Variants in ATP2A1 observed in about 807,000 individuals in gnomAD.
ATP2A1 encodes the protein sarcoplasmic/endoplasmic reticulum calcium ATPase 1.
A neutral mutation model predicts 109.5 loss-of-function variants in ATP2A1; 83 were observed. The ratio of observed to expected loss-of-function variants is 0.76; its 90% CI spans 0.63 to 0.91. The LOEUF is 0.91. Ranked by LOEUF, ATP2A1 falls within the 40% of genes least tolerant of loss-of-function variation. The pLI, the probability that ATP2A1 is intolerant of heterozygous loss-of-function variation, is 0.00. For missense variants in ATP2A1, 1,101 were observed against 1,341.0 expected, an observed-to-expected ratio of 0.82 and a Z score of 2.80; for synonymous variants, 505 against 537.6, an observed-to-expected ratio of 0.94 and a Z score of 0.84.
At position 28,888,886 on chromosome 16, in the gene ATP2A1, G is replaced by C. The variant is rs1428905110; in HGVS notation, c.1028G>C (p.Gly343Ala). Residue 343 changes from glycine (G) to alanine (A), a missense_variant, in exon 9 of 23, where the codon GGC becomes GCC. Gly to Ala is a moderately conservative substitution (Grantham distance 60). Transcript: ENST00000395503. ...AGCTTGCCCTCCGTAGAGACCCTGG[G>C]CTGCACCTCTGTCATCTGTTCCGAC... ...VRSLPSVETL[G>A]CTSVICSDKT... is the part of the protein sequence containing the mutation. 5.0e-6 allele frequency: 8 copies of C among 1,614,018 alleles called. No homozygotes were observed. The highest frequency in any genetic ancestry group is 6.8e-6 in the Non-Finnish European group (8 of 1,180,026).
In ATP2A1 at chr16:28,894,396, A is replaced by G. The variant is rs908372725; in HGVS notation, c.1185-109A>G. ...CCTGATATCCGAGTTGGCTCTCCCCACTGTCCTTCCTTACCCTCTGCTGCC... is the reference window on the plus strand; with the variant it reads ...CCTGATATCCGAGTTGGCTCTCCCCGCTGTCCTTCCTTACCCTCTGCTGCC... On this transcript the variant is annotated intron_variant, in intron 10 of 22. Coordinates refer to ENST00000395503, the MANE Select transcript of ATP2A1 (RefSeq NM_004320.6). 3 of 1,310,612 alleles carry G rather than the reference A, an allele frequency of 2.3e-6. No individual in the cohort carries two copies. The Admixed American group carries it at 5.9e-5, about 26-fold the overall frequency. The allele number at this position is 1,310,612 out of a possible 1,614,324, so 81.2% of individuals were successfully genotyped here. A position where few individuals can be genotyped will look rare whatever the true frequency, so the allele number is the denominator to read the frequency against.
chr16:28,887,472 T>A lies in ATP2A1; in HGVS notation c.678T>A (p.Thr226=), dbSNP rs6565259. 2 of 1,613,654 alleles carry A rather than the reference T, an allele frequency of 1.2e-6. No individual in the cohort carries two copies. Among genetic ancestry groups the A allele is most frequent in the South Asian group, 1.1e-5 (1 of 91,054 alleles). Residue 226 remains threonine, a synonymous_variant, in exon 8 of 23, where the codon ACT becomes ACA. Coordinates refer to ENST00000395503, the MANE Select transcript of ATP2A1 (RefSeq NM_004320.6). ...AGGCCTTGGGCATCGTGGCCACCAC[T>A]GGTGTGGGCACCGAGATTGGGAAGA... is the stretch of plus-strand genomic sequence containing the variant. The part of the protein sequence containing the change: ...AGKALGIVAT[T]GVGTEIGKIR...
At chr16:28,891,955 A>G (rs1247073815) in intron 9 of ATP2A1, among the ~76,000 whole-genome samples, 1 of 152,208 alleles carries the variant, frequency 6.6e-6, no homozygotes, top group Non-Finnish European at 1.5e-5. Context: ...GTTACAGAGG[A>G]AACCAATGAT....
Position 28,879,921 on chromosome 16 carries a change from C to T in ATP2A1, c.219+338C>T, listed in dbSNP as rs925590857. On this transcript the variant is annotated intron_variant, in intron 3 of 22. Coordinates refer to ENST00000395503, the MANE Select transcript of ATP2A1 (RefSeq NM_004320.6). ...ATGCCGGCTGCGGCGCGGGGGGCCA[C>T]TGCCACTCCCGGCATGCGCCGGGCG... 5.8e-5 allele frequency: 52 copies of T among 892,134 alleles called. No individual in the cohort carries two copies. In the African/African-American group the frequency reaches 8.6e-4, roughly 15 times the overall value. The allele number at this position is 892,134 out of a possible 1,614,324, so 55.3% of individuals were successfully genotyped here. A position where few individuals can be genotyped will look rare whatever the true frequency, so the allele number is the denominator to read the frequency against.
chr16:28,887,862 G>A (rs368838702), intron 8 of ATP2A1, 140 bp downstream of exon 8: 34 of 1,133,046 alleles, frequency 3.0e-5, no homozygotes, highest in African/African-American at 6.3e-5. Flanking sequence ...GTGCAGTGGC[G>A]TGATCTCGGC....
In ATP2A1 at chr16:28,895,417, T is replaced by C. The variant is rs375639612; in HGVS notation, c.1419+464T>C. Among the ~76,000 whole-genome samples, 4 of 152,358 alleles carry C rather than the reference T, an allele frequency of 2.6e-5. No homozygotes were observed. The East Asian group carries it at 7.7e-4, about 29-fold the overall frequency. On this transcript the variant is annotated intron_variant, in intron 12 of 22. Transcript: ENST00000395503. ...TGTCACTCCCAGTTATTGCTATTGA[T>C]ACTTGCTGAACGTCTCCATTAAGCA... is the stretch of plus-strand genomic sequence containing the variant.
chr16:28,885,249 CAAA>C (rs560935121), intron 6 of ATP2A1, among the ~76,000 whole-genome samples: 16 of 122,298 alleles, frequency 1.3e-4, no homozygotes, highest in Non-Finnish European at 8.6e-5. Flanking sequence ...GACCCCATCT[CAAA>C]AAAAAAAAAA....
At chr16:28,882,687 G>A in intron 5 of ATP2A1, 98 bp downstream of exon 5, 1 of 1,537,804 alleles carries the variant, frequency 6.5e-7, no homozygotes, top group South Asian at 1.2e-5. Context: ...GTGTCCAGGA[G>A]GATGACGGAG....
In ATP2A1 at chr16:28,881,097, C is replaced by T. The variant is rs1963460085; in HGVS notation, c.324+78C>T. On this transcript the variant is annotated intron_variant, in intron 4 of 22. Transcript: ENST00000395503. ...CAACCCTCCCTCCAGTCTCCTCCTCCTCCATCACCTCCCCCATACTTGCCT... is the reference window on the plus strand; with the variant it reads ...CAACCCTCCCTCCAGTCTCCTCCTCTTCCATCACCTCCCCCATACTTGCCT... The T allele has an allele frequency of 2.2e-6, 3 of 1,361,146 alleles. No homozygotes were observed. The African/African-American group carries it at 4.3e-5, about 20-fold the overall frequency. The allele number at this position is 1,361,146 out of a possible 1,614,324, so 84.3% of individuals were successfully genotyped here.
At chr16:28,879,737 C>A in intron 3 of ATP2A1, 154 bp downstream of exon 3, 5 of 903,328 alleles carry the variant, frequency 5.5e-6, no homozygotes, top group South Asian at 4.3e-5. Flanking sequence ...GTGTGATTCG[C>A]GTCCTCCTCT....
At chr16:28,892,602 C>T (rs1419203110) in intron 9 of ATP2A1, 1 of 157,264 alleles carries the variant, frequency 6.4e-6, no homozygotes, top group East Asian at 1.9e-4. Context: ...CCATCTTAAC[C>T]ATCTCTCTTC....
intron 8 of ATP2A1, among the ~76,000 whole-genome samples, chr16:28,888,071 GATTACA>G (rs1963667256): frequency 1.3e-5 from 2 of 152,050 alleles, no homozygotes; most frequent in Non-Finnish European, 2.9e-5. Context: ...AAAGTGCTGG[GATTACA>G]GGCGTGAGCC....
rs759952347 is a variant in ATP2A1 at position 28,902,247 on chromosome 16, G to C, written c.2385G>C (p.Val795=). 6.2e-7 allele frequency: 1 copy of C among 1,614,088 alleles called. No homozygotes were observed. The highest frequency in any genetic ancestry group is 1.1e-5 in the South Asian group (1 of 91,068). Reference sequence around the variant, plus strand: ...TGATCCCGGTGCAGCTGCTATGGGTGAACTTGGTGACCGACGGGCTCCCAG... The same window carrying C: ...TGATCCCGGTGCAGCTGCTATGGGTCAACTTGGTGACCGACGGGCTCCCAG... ...EALIPVQLLW[V]NLVTDGLPAT... is the part of the protein sequence containing the mutation. The change falls in exon 17 of 23, where the codon GTG becomes GTC. Residue 795 remains valine, a synonymous_variant. Coordinates refer to ENST00000395503, the MANE Select transcript of ATP2A1 (RefSeq NM_004320.6). This position sits in a 1 kb window ranked among gnomAD's most constrained non-coding sequence, Gnocchi z 4.8.
chr16:28,894,311 C>T (rs1177272892), intron 10 of ATP2A1, 68 bp downstream of exon 10: 10 of 1,490,526 alleles, frequency 6.7e-6, no homozygotes, highest in Middle Eastern at 3.4e-4. Context: ...CTCCCTGGGG[C>T]CCTCCATGTG....
Position 28,898,544 on chromosome 16 carries a change from A to G in ATP2A1, c.1764+93A>G, listed in dbSNP as rs1963982355. ...AGCTCCACCACCCGGATCATTTCCTACCTCGTCAGTCAAGTTGATGGCTCC... is the reference window on the plus strand; with the variant it reads ...AGCTCCACCACCCGGATCATTTCCTGCCTCGTCAGTCAAGTTGATGGCTCC... On this transcript the variant is annotated intron_variant, in intron 14 of 22. Transcript: ENST00000395503. This position sits in a 1 kb window ranked among gnomAD's most constrained non-coding sequence, Gnocchi z 4.0. 5 of 1,389,216 alleles carry G rather than the reference A, an allele frequency of 3.6e-6. No individual in the cohort carries two copies. In the South Asian group the frequency reaches 3.7e-5, roughly 10 times the overall value. The allele number at this position is 1,389,216 out of a possible 1,614,324, so 86.1% of individuals were successfully genotyped here. A position where few individuals can be genotyped will look rare whatever the true frequency, so the allele number is the denominator to read the frequency against.
In ATP2A1 at chr16:28,903,454, T is replaced by A. The variant is rs375184011; in HGVS notation, c.2980+14T>A. ...ACTACCTAGAGGGTAAGGAGTGCCC[T>A]CTCTGTCCCAAGCCCTGGCCCCACC... is the stretch of plus-strand genomic sequence containing the variant. On this transcript the variant is annotated intron_variant, in intron 21 of 22. Coordinates refer to ENST00000395503, the MANE Select transcript of ATP2A1 (RefSeq NM_004320.6). This position sits in a 1 kb window ranked among gnomAD's most constrained non-coding sequence, Gnocchi z 5.6. 30 of 1,605,312 alleles carry A rather than the reference T, an allele frequency of 1.9e-5. No individual in the cohort carries two copies. In the African/African-American group the frequency reaches 4.0e-4, roughly 21 times the overall value.
chr16:28,896,170 G>GGA (rs1229466756), intron 12 of ATP2A1, among the ~76,000 whole-genome samples: 3 of 152,078 alleles, frequency 2.0e-5, no homozygotes, highest in Non-Finnish European at 4.4e-5. Context: ...TTTTGGAGAA[G>GGA]TATCCATGAT....
At position 28,894,147 on chromosome 16, in the gene ATP2A1, C is replaced by T. The variant is rs1165080382; in HGVS notation, c.1096-8C>T. ...GGACATCTGTGTGCCTGCCCTTCTC[C>T]CCTGCAGATGTTTATCATTGACAAG... On this transcript the variant is annotated splice_region_variant and splice_polypyrimidine_tract_variant and intron_variant, in intron 9 of 22. Transcript: ENST00000395503. 1.9e-6 allele frequency: 3 copies of T among 1,613,128 alleles called. No homozygotes were observed. The highest frequency in any genetic ancestry group is 2.2e-5 in the East Asian group (1 of 44,880).
rs887008722 is a variant in ATP2A1, at chr16:28,880,816, ACT to A, written c.220-95_220-94del. On this transcript the variant is annotated intron_variant, in intron 3 of 22. Coordinates refer to ENST00000395503, the MANE Select transcript of ATP2A1 (RefSeq NM_004320.6). The surrounding 1 kb of genome is among the most constrained non-coding windows in gnomAD (Gnocchi z 4.2). Reference sequence around the variant, plus strand: ...GCCCGGCCCTCCTGCTGGCTCCTGCACTCTCCTGCACAGTTCTCCCCTTTGCA... The same window carrying A: ...GCCCGGCCCTCCTGCTGGCTCCTGCACTCCTGCACAGTTCTCCCCTTTGCA... 1.7e-5 allele frequency: 20 copies of A among 1,200,056 alleles called. No homozygotes were observed. In the African/African-American group the frequency reaches 3.0e-4, roughly 18 times the overall value. 74.3% of individuals were successfully genotyped at this position (1,200,056 alleles called of 1,614,324 possible). A position where few individuals can be genotyped will look rare whatever the true frequency, so the allele number is the denominator to read the frequency against.
Sources: allele counts gnomAD v4.1 joint callset (sites outside exome capture counted in the v4.1 genomes callset), GRCh38; gene constraint gnomAD v4.1.1; non-coding constraint Gnocchi (gnomAD v3.1); transcripts MANE v1.5; gene names NCBI Gene and HGNC (gene_info 2026-07-23, HGNC 2026-07-21).